Variants in CHD5 observed in about 807,000 individuals in gnomAD.
The protein encoded by CHD5 is chromodomain helicase DNA binding protein 5.
In CHD5, 69 loss-of-function variants were observed where a neutral mutation model predicts 230.3. The observed-to-expected ratio is 0.30, with a 90% confidence interval of 0.25 to 0.37. The LOEUF (loss-of-function observed/expected upper bound fraction) is 0.37. Among genes scored for constraint, CHD5 ranks in the 10% least tolerant of loss-of-function variants. The pLI is 1.00. For missense variants in CHD5, 1,827 were observed against 2,622.8 expected (o/e 0.70, Z 6.63); for synonymous variants, 1,064 against 1,065.9 (o/e 1.00, Z 0.03).
At chr1:6,132,536 T>C (rs1326765610) in intron 20 of CHD5, among the ~76,000 whole-genome samples, 1 of 152,222 alleles carries the variant, frequency 6.6e-6, no homozygotes, top group East Asian at 1.9e-4. Context: ...TTCTTCACCA[T>C]TTTTTCTGTT....
In CHD5 at chr1:6,128,442, G is replaced by T. The variant is rs2100845924; in HGVS notation, c.3730+57C>A. ...GGGCAGGTCAGGGAACCCCTCCTCT[G>T]CAGGAGCAGCCACCTGGTCGGAGGA... On this transcript the variant is annotated intron_variant, in intron 24 of 41. Transcript: ENST00000262450. This position sits in a 1 kb window ranked among gnomAD's most constrained non-coding sequence, Gnocchi z 7.8. The T allele has an allele frequency of 1.4e-6, 2 of 1,433,476 alleles. No individual in the cohort carries two copies. Among genetic ancestry groups the T allele is most frequent in the Non-Finnish European group, 9.8e-7 (1 of 1,022,898 alleles). The allele number at this position is 1,433,476 out of a possible 1,614,324, so 88.8% of individuals were successfully genotyped here.
chr1:6,128,850 C>T lies in CHD5; in HGVS notation c.3607G>A (p.Asp1203Asn), dbSNP rs762599632. Residue 1203 changes from aspartate (D) to asparagine (N), a missense_variant, in exon 23 of 42, where the codon GAC becomes AAC. Transcript: ENST00000262450. The surrounding 1 kb of genome is among the most constrained non-coding windows in gnomAD (Gnocchi z 7.8). ...LKFGTEELFK[D>N]DVEGMMSQGQ... is the part of the protein sequence containing the mutation. Reference sequence around the variant, plus strand: ...AACAGAGGCCCACCCTCCACGTCGTCCTTGAAGAGTTCCTCCGTGCCGAAC... The same window carrying T: ...AACAGAGGCCCACCCTCCACGTCGTTCTTGAAGAGTTCCTCCGTGCCGAAC... 2 of 1,611,848 alleles carry T rather than the reference C, an allele frequency of 1.2e-6. No homozygotes were observed. Among genetic ancestry groups the T allele is most frequent in the Non-Finnish European group, 8.5e-7 (1 of 1,178,796 alleles).
rs909040786 is a variant in CHD5 at position 6,131,548 on chromosome 1, T to C, written c.3262+83A>G. On this transcript the variant is annotated intron_variant, in intron 21 of 41. Coordinates refer to ENST00000262450, the MANE Select transcript of CHD5 (RefSeq NM_015557.3). This position sits in a 1 kb window ranked among gnomAD's most constrained non-coding sequence, Gnocchi z 5.0. ...TGAGGCTGCTCAACACAACACCAGC[T>C]GGGTGACCTGGCTAAGAACCAGGCC... 1.2e-4 allele frequency: 92 copies of C among 777,986 alleles called. No homozygotes were observed. The highest frequency in any genetic ancestry group is 2.9e-5 in the Non-Finnish European group (13 of 443,158). The allele number at this position is 777,986 out of a possible 1,614,324, so 48.2% of individuals were successfully genotyped here.
In CHD5 at chr1:6,146,902, G is replaced by T; in HGVS notation, c.1384-31C>A. Reference sequence around the variant, plus strand: ...GACAGAGAAGGGTCCCCAAGGTGGGGCTCAGCTGCAGGGCCCCACCCTGAG... The same window carrying T: ...GACAGAGAAGGGTCCCCAAGGTGGGTCTCAGCTGCAGGGCCCCACCCTGAG... On this transcript the variant is annotated intron_variant, in intron 9 of 41. Coordinates refer to ENST00000262450, the MANE Select transcript of CHD5 (RefSeq NM_015557.3). This position sits in a 1 kb window ranked among gnomAD's most constrained non-coding sequence, Gnocchi z 5.1. 3 of 1,451,556 alleles carry T rather than the reference G, an allele frequency of 2.1e-6. No individual in the cohort carries two copies. The highest frequency in any genetic ancestry group is 2.7e-6 in the Non-Finnish European group (3 of 1,095,828). 89.9% of individuals were successfully genotyped at this position (1,451,556 alleles called of 1,614,324 possible). A position where few individuals can be genotyped will look rare whatever the true frequency, so the allele number is the denominator to read the frequency against.
Position 6,103,619 on chromosome 1 carries a change from C to G in CHD5, c.*1855G>C, listed in dbSNP as rs1037048970. ...GCCAGGACCCTTTGCCAGGAGGCAC[C>G]GCAGAGCACACAACACGCATGTGGA... On this transcript the variant is annotated 3_prime_UTR_variant, in exon 42 of 42. Transcript: ENST00000262450. 6.6e-6 allele frequency: 1 copy of G among 152,312 alleles called. No homozygotes were observed. Among genetic ancestry groups the G allele is most frequent in the African/African-American group, 2.4e-5 (1 of 41,458 alleles). The allele number at this position is 152,312 out of a possible 1,614,324, so 9.4% of individuals were successfully genotyped here. A position where few individuals can be genotyped will look rare whatever the true frequency, so the allele number is the denominator to read the frequency against.
chr1:6,120,391 G>A (rs377730646), intron 33 of CHD5, among the ~76,000 whole-genome samples: 84 of 151,970 alleles, frequency 5.5e-4, no homozygotes, highest in African/African-American at 1.9e-3. Context: ...AAAGACCAAC[G>A]GGCAAGGTGG....
At chr1:6,175,033 T>C (rs1196173205) in intron 1 of CHD5, among the ~76,000 whole-genome samples, 1 of 148,130 alleles carries the variant, frequency 6.8e-6, no homozygotes. Context: ...GGATGGATGA[T>C]GGATGGATGG....
At chr1:6,115,039 G>A (rs1175706358) in intron 33 of CHD5, among the ~76,000 whole-genome samples, 25 of 151,250 alleles carry the variant, frequency 1.7e-4, no homozygotes, top group Non-Finnish European at 2.5e-4. Flanking sequence ...GGGGGCAGGC[G>A]CGGTGGCTCA....
rs943111868 is a variant in CHD5, at chr1:6,131,169, C to G, written c.3262+462G>C. Among the ~76,000 whole-genome samples the G allele has an allele frequency of 1.3e-5, 2 of 152,238 alleles. No individual in the cohort carries two copies. The highest frequency in any genetic ancestry group is 4.8e-5 in the African/African-American group (2 of 41,460). On this transcript the variant is annotated intron_variant, in intron 21 of 41. Transcript: ENST00000262450. This position sits in a 1 kb window ranked among gnomAD's most constrained non-coding sequence, Gnocchi z 5.0. Reference sequence around the variant, plus strand: ...TCCACCGGCAAGACCCTCCTGACCTCCACCCTCGCCTCTCCTTCCCAGGCA... The same window carrying G: ...TCCACCGGCAAGACCCTCCTGACCTGCACCCTCGCCTCTCCTTCCCAGGCA...
chr1:6,137,969 A>C (rs891384141), intron 15 of CHD5, among the ~76,000 whole-genome samples: 6 of 151,904 alleles, frequency 3.9e-5, no homozygotes, highest in Admixed American at 1.3e-4. Flanking sequence ...CTGGTTGGGG[A>C]GGGGGAGCCA....
intron 25 of CHD5, among the ~76,000 whole-genome samples, chr1:6,127,817 C>A (rs1666584680): frequency 6.6e-6 from 1 of 152,208 alleles, no homozygotes; most frequent in Non-Finnish European, 1.5e-5. Flanking sequence ...GCGGGTGGAG[C>A]GACAGGGCCG....
Position 6,142,733 on chromosome 1 carries a change from C to G in CHD5, c.2044-128G>C, listed in dbSNP as rs1392778443. On this transcript the variant is annotated intron_variant, in intron 13 of 41. Transcript: ENST00000262450. The surrounding 1 kb of genome is among the most constrained non-coding windows in gnomAD (Gnocchi z 5.2). ...CCCACTCCTGTCTGTCTTCCTAACT[C>G]TTCTCCAGTTCTTGGATGGAACACC... 9.5e-7 allele frequency: 1 copy of G among 1,054,328 alleles called. No individual in the cohort carries two copies. The allele number at this position is 1,054,328 out of a possible 1,614,324, so 65.3% of individuals were successfully genotyped here. A position where few individuals can be genotyped will look rare whatever the true frequency, so the allele number is the denominator to read the frequency against.
chr1:6,121,156 G>A lies in CHD5; in HGVS notation c.4861C>T (p.Arg1621Trp), dbSNP rs772221709. 3.1e-5 allele frequency: 50 copies of A among 1,613,628 alleles called. No individual in the cohort carries two copies. The highest frequency in any genetic ancestry group is 1.6e-4 in the Middle Eastern group (1 of 6,072). Residue 1621 changes from arginine to tryptophan, a missense_variant, in exon 33 of 42, where the codon CGG (arginine) becomes TGG (tryptophan). Physicochemically the swap from Arg to Trp is moderately radical, Grantham distance 101 (BLOSUM62 -3). Transcript: ENST00000262450. The surrounding 1 kb of genome is among the most constrained non-coding windows in gnomAD (Gnocchi z 4.5). ...PASKERAREE[R>W]PEETEKAPPS... Reference sequence around the variant, plus strand: ...GGGGCCTTCTCCGTCTCCTCTGGCCGCTCCTCTCGGGCTCTCTCCTTGCTG... The same window carrying A: ...GGGGCCTTCTCCGTCTCCTCTGGCCACTCCTCTCGGGCTCTCTCCTTGCTG...
intron 1 of CHD5, among the ~76,000 whole-genome samples, chr1:6,178,426 C>A (rs1409730688): frequency 6.6e-6 from 1 of 152,166 alleles, no homozygotes; most frequent in East Asian, 1.9e-4. Context: ...AAAAGGGCCA[C>A]ACCCCAAACA....
rs192956806 is a variant in CHD5 at position 6,142,549 on chromosome 1, C to T, written c.2100G>A (p.Leu700=). The change falls in exon 14 of 42, where the codon CTG becomes CTA. Residue 700 remains leucine (L), a synonymous_variant. Coordinates refer to ENST00000262450, the MANE Select transcript of CHD5 (RefSeq NM_015557.3). The surrounding 1 kb of genome is among the most constrained non-coding windows in gnomAD (Gnocchi z 5.2). ...PWYIDSTGGT[L]HPYQLEGLNW... is the part of the protein sequence containing the mutation. ...TGAGGCCCTCCAGCTGGTACGGGTG[C>T]AGTGTGCCGCCTGTGGAGTCGATGT... 4.0e-5 allele frequency: 65 copies of T among 1,614,082 alleles called. No individual in the cohort carries two copies. Among genetic ancestry groups the T allele is most frequent in the Non-Finnish European group, 4.8e-5 (57 of 1,180,026 alleles).
rs1667270824 is a variant in CHD5, at chr1:6,167,289, T to C, written c.207+861A>G. 6.6e-6 allele frequency among the ~76,000 whole-genome samples: 1 copy of C among 152,198 alleles called. No individual in the cohort carries two copies. Among genetic ancestry groups the C allele is most frequent in the Non-Finnish European group, 1.5e-5 (1 of 68,048 alleles). On this transcript the variant is annotated intron_variant, in intron 2 of 41. Transcript: ENST00000262450. The surrounding 1 kb of genome is among the most constrained non-coding windows in gnomAD (Gnocchi z 4.5). Reference sequence around the variant, plus strand: ...GATCTCAGCACCACCACTGTGTCACTGTGTGACCTTGGGCCAGGGCACCTC... The same window carrying C: ...GATCTCAGCACCACCACTGTGTCACCGTGTGACCTTGGGCCAGGGCACCTC...
At chr1:6,164,737 C>T (rs796923395) in intron 2 of CHD5, among the ~76,000 whole-genome samples, 15 of 152,322 alleles carry the variant, frequency 9.8e-5, no homozygotes, top group East Asian at 1.9e-4. Flanking sequence ...ACAGCTGGCC[C>T]GAGCCAGGCT....
intron 34 of CHD5, among the ~76,000 whole-genome samples, chr1:6,112,640 A>G (rs1055690026): frequency 2.0e-5 from 3 of 152,194 alleles, no homozygotes; most frequent in Non-Finnish European, 4.4e-5. Context: ...CTTCCAGCTG[A>G]GCCCCAAATC....
intron 34 of CHD5, 69 bp from the exon 35 acceptor site, chr1:6,112,346 C>T: frequency 6.3e-7 from 1 of 1,578,372 alleles, no homozygotes; most frequent in African/African-American, 1.4e-5. Flanking sequence ...CTCTCTCTGC[C>T]AAGCACGGGG....
Sources: gnomAD v4.1 joint callset for allele counts (sites outside exome capture counted in the v4.1 genomes callset) on GRCh38, gnomAD v4.1.1 for gene constraint, Gnocchi (gnomAD v3.1) non-coding constraint, MANE v1.5 for transcripts, NCBI Gene and HGNC (gene_info 2026-07-23, HGNC 2026-07-21) for gene names.